The following CACNG8 variants were observed in gnomAD, a reference collection of about 807,000 sequenced individuals.
The protein encoded by CACNG8 is voltage-dependent calcium channel gamma-8 subunit.
Under a neutral mutation model 26.9 loss-of-function variants are expected in CACNG8, and 5 were observed. That is an observed-to-expected ratio of 0.19 (90% CI 0.10 to 0.39). CACNG8 has a LOEUF of 0.39. Ranked by LOEUF, CACNG8 falls within the 10% of genes least tolerant of loss-of-function variation. CACNG8 has a pLI of 1.00. For synonymous variants in CACNG8, 321 were observed against 296.7 expected (o/e 1.08, Z -0.84); for missense variants, 473 against 609.4 (o/e 0.78, Z 2.36).
intron 3 of CACNG8, 87 bp from the exon 4 acceptor site, chr19:53,981,993 C>G (rs970423339): frequency 3.7e-6 from 5 of 1,336,614 alleles, no homozygotes; most frequent in African/African-American, 2.1e-5. Context: ...CCTGGGCCCG[C>G]TGGCGCAGGC....
At position 53,963,370 on chromosome 19, in the gene CACNG8, G is replaced by T. The variant is rs1176038135; in HGVS notation, c.228G>T (p.Lys76Asn). The change falls in exon 1 of 4, where the codon AAG (lysine) becomes AAT (asparagine). Residue 76 changes from lysine (K) to asparagine (N), a missense_variant. Transcript: ENST00000270458. ...GCGGGGGCGGCGGCGCCTCGGAGAA[G>T]AAGGACCCCGGCGGCCTCACGCACT... 6.3e-7 allele frequency: 1 copy of T among 1,587,924 alleles called. No individual in the cohort carries two copies. Among genetic ancestry groups the T allele is most frequent in the South Asian group, 1.1e-5 (1 of 89,842 alleles).
At position 53,982,460 on chromosome 19, in the gene CACNG8, C is replaced by T. The variant is rs544249798; in HGVS notation, c.889C>T (p.Pro297Ser). ...CGCGTCTCCCGGCGGCCCCGGGGGCCCGGGCTTTGCCTCCACGGACATCTC... is the reference window on the plus strand; with the variant it reads ...CGCGTCTCCCGGCGGCCCCGGGGGCTCGGGCTTTGCCTCCACGGACATCTC... The change falls in exon 4 of 4, where the codon CCG (proline) becomes TCG (serine). Residue 297 changes from proline to serine, a missense_variant. Physicochemically the swap from Pro to Ser is moderately conservative, Grantham distance 74 (BLOSUM62 -1). Transcript: ENST00000270458. This position sits in a 1 kb window ranked among gnomAD's most constrained non-coding sequence, Gnocchi z 8.4. The T allele has an allele frequency of 4.0e-6, 6 of 1,515,476 alleles. 1 individual carries two copies. The South Asian group carries it at 7.3e-5, about 19-fold the overall frequency. The allele number at this position is 1,515,476 out of a possible 1,614,324, so 93.9% of individuals were successfully genotyped here. A position where few individuals can be genotyped will look rare whatever the true frequency, so the allele number is the denominator to read the frequency against.
intron 1 of CACNG8, 76 bp from the exon 2 acceptor site, chr19:53,978,070 G>T: frequency 1.0e-6 from 1 of 982,942 alleles, no homozygotes; most frequent in East Asian, 2.5e-5. Context: ...GAAGGGAAGG[G>T]TCGGTTGTCA....
chr19:53,980,072 G>GTA, intron 3 of CACNG8, 65 bp downstream of exon 3: 2 of 1,435,788 alleles, frequency 1.4e-6, no homozygotes, highest in Non-Finnish European at 1.9e-6. Context: ...GTGTGTGTGT[G>GTA]TGTGTGTGTG....
intron 1 of CACNG8, among the ~76,000 whole-genome samples, chr19:53,975,696 A>C (rs1327285432): frequency 1.3e-5 from 2 of 152,176 alleles, no homozygotes; most frequent in Admixed American, 1.3e-4. Context: ...CCATTCTCTC[A>C]TTAAAAATAC....
chr19:53,982,064 G>C lies in CACNG8; in HGVS notation c.509-16G>C. The C allele has an allele frequency of 6.5e-7, 1 of 1,539,716 alleles. No individual in the cohort carries two copies. The highest frequency in any genetic ancestry group is 8.7e-7 in the Non-Finnish European group (1 of 1,144,730). ...GGGGGTGGCCTCGAGGCTCCCGTCT[G>C]ACCGTCCCCGCCCAGGCCTGAGCAA... On this transcript the variant is annotated splice_polypyrimidine_tract_variant and intron_variant, in intron 3 of 3. Transcript: ENST00000270458. The surrounding 1 kb of genome is among the most constrained non-coding windows in gnomAD (Gnocchi z 8.4).
Position 53,965,686 on chromosome 19 carries a change from T to A in CACNG8, c.283+2261T>A, listed in dbSNP as rs186246168. The stretch of plus-strand genomic sequence containing the variant: ...AGACAAAACCTCCTGTCGTTATATA[T>A]CTTATATTCTAAGGGAGAGACAGAT... On this transcript the variant is annotated intron_variant, in intron 1 of 3. Transcript: ENST00000270458. 3.6e-3 allele frequency among the ~76,000 whole-genome samples: 550 copies of A among 152,096 alleles called. 5 individuals carry two copies. The highest frequency in any genetic ancestry group is 0.01 in the Middle Eastern group (3 of 294).
In CACNG8 at chr19:53,983,082, T is replaced by G. The variant is rs552128309; in HGVS notation, c.*233T>G. On this transcript the variant is annotated 3_prime_UTR_variant, in exon 4 of 4. Transcript: ENST00000270458. ...GAGGGAGCGTCGTGTTTTATTTTTT[T>G]GGGGGATCTATGGGGAGGGGGGAGG... 30 of 113,478 alleles carry G rather than the reference T, an allele frequency of 2.6e-4. No individual in the cohort carries two copies. The highest frequency in any genetic ancestry group is 5.5e-4 in the East Asian group (2 of 3,630). The allele number at this position is 113,478 out of a possible 1,614,324, so 7.0% of individuals were successfully genotyped here.
intron 3 of CACNG8, among the ~76,000 whole-genome samples, chr19:53,981,851 T>C (rs1393858158): frequency 6.6e-6 from 1 of 152,108 alleles, no homozygotes; most frequent in Non-Finnish European, 1.5e-5. Flanking sequence ...GGGTTGGAGC[T>C]TAGACCAGCA....
Position 53,982,761 on chromosome 19 carries a change from C to T in CACNG8, c.1190C>T (p.Ala397Val), listed in dbSNP as rs1235418455. The T allele has an allele frequency of 8.0e-7, 1 of 1,247,128 alleles. No homozygotes were observed. Among genetic ancestry groups the T allele is most frequent in the Non-Finnish European group, 1.0e-6 (1 of 996,904 alleles). The allele number at this position is 1,247,128 out of a possible 1,614,324, so 77.3% of individuals were successfully genotyped here. The change falls in exon 4 of 4, where the codon GCG (alanine) becomes GTG (valine). Residue 397 changes from alanine to valine, a missense_variant. Physicochemically the swap from Ala to Val is moderately conservative, Grantham distance 64. Transcript: ENST00000270458. The surrounding 1 kb of genome is among the most constrained non-coding windows in gnomAD (Gnocchi z 8.4). ...GCCCCGCCCGCGCCCGCGCCACCCGCGCCCTCTGCGCCCGCCCCCGGGACC... is the reference window on the plus strand; with the variant it reads ...GCCCCGCCCGCGCCCGCGCCACCCGTGCCCTCTGCGCCCGCCCCCGGGACC...
Position 53,979,788 on chromosome 19 carries a change from G to A in CACNG8, c.368-79G>A, listed in dbSNP as rs57002122. 4,217 of 1,452,698 alleles carry A rather than the reference G, an allele frequency of 2.9e-3. 107 individuals carry two copies. In the African/African-American group the frequency reaches 0.053, roughly 18 times the overall value. The allele number at this position is 1,452,698 out of a possible 1,614,324, so 90.0% of individuals were successfully genotyped here. A position where few individuals can be genotyped will look rare whatever the true frequency, so the allele number is the denominator to read the frequency against. ...ACTGTCGGGAGGCGCCGCGAGATGGGGGGCCGGGAAGGGGGCGCAGGCGGC... is the reference window on the plus strand; with the variant it reads ...ACTGTCGGGAGGCGCCGCGAGATGGAGGGCCGGGAAGGGGGCGCAGGCGGC... On this transcript the variant is annotated intron_variant, in intron 2 of 3. Coordinates refer to ENST00000270458, the MANE Select transcript of CACNG8 (RefSeq NM_031895.6).
At chr19:53,979,399 G>A (rs1568801321) in intron 2 of CACNG8, among the ~76,000 whole-genome samples, 1 of 151,888 alleles carries the variant, frequency 6.6e-6, no homozygotes, top group Non-Finnish European at 1.5e-5. Context: ...GGAATGTAGA[G>A]AGAGAGAGAA....
chr19:53,963,588 C>G (rs990990142), intron 1 of CACNG8, among the ~76,000 whole-genome samples, 163 bp downstream of exon 1: 1 of 152,052 alleles, frequency 6.6e-6, no homozygotes, highest in Non-Finnish European at 1.5e-5. Context: ...GACCTCCTCT[C>G]CCCTCCTTCC....
At chr19:53,974,388 G>A (rs1419071595) in intron 1 of CACNG8, among the ~76,000 whole-genome samples, 2 of 152,108 alleles carry the variant, frequency 1.3e-5, no homozygotes, top group African/African-American at 2.4e-5. Context: ...TCCGCTTTTT[G>A]GCTATTGTGA....
Position 53,963,025 on chromosome 19 carries a change from C to T in CACNG8, c.-118C>T, listed in dbSNP as rs2069251519. Reference sequence around the variant, plus strand: ...TCCTCGCCGCCCCCCTCCCCAGCCCCGCCGGCCCCGGGCCCCCCGCTTCTG... The same window carrying T: ...TCCTCGCCGCCCCCCTCCCCAGCCCTGCCGGCCCCGGGCCCCCCGCTTCTG... On this transcript the variant is annotated 5_prime_UTR_variant, in exon 1 of 4. Coordinates refer to ENST00000270458, the MANE Select transcript of CACNG8 (RefSeq NM_031895.6). The T allele has an allele frequency of 2.6e-6, 1 of 389,144 alleles. No individual in the cohort carries two copies. The highest frequency in any genetic ancestry group is 4.2e-6 in the Non-Finnish European group (1 of 238,318). The allele number at this position is 389,144 out of a possible 1,614,324, so 24.1% of individuals were successfully genotyped here.
At chr19:53,970,198 C>T (rs890856110) in intron 1 of CACNG8, among the ~76,000 whole-genome samples, 4 of 152,206 alleles carry the variant, frequency 2.6e-5, no homozygotes, top group Admixed American at 2.0e-4. Flanking sequence ...CGCCTGTGGT[C>T]CCAGCTACTT....
At position 53,982,445 on chromosome 19, in the gene CACNG8, G is replaced by A. The variant is rs770727575; in HGVS notation, c.874G>A (p.Gly292Ser). ...GTCGCCGTCGCGGGACGCGTCTCCC[G>A]GCGGCCCCGGGGGCCCGGGCTTTGC... The change falls in exon 4 of 4, where the codon GGC becomes AGC. Residue 292 changes from glycine (G) to serine (S), a missense_variant. Gly to Ser is a moderately conservative substitution (Grantham distance 56). Around this residue, in one of 6 missense-constraint regions of CACNG8, gnomAD observed 212 missense variants for 214.4 expected, o/e 0.99. Coordinates refer to ENST00000270458, the MANE Select transcript of CACNG8 (RefSeq NM_031895.6). This position sits in a 1 kb window ranked among gnomAD's most constrained non-coding sequence, Gnocchi z 8.4. 1 of 1,517,724 alleles carries A rather than the reference G, an allele frequency of 6.6e-7. No homozygotes were observed. Among genetic ancestry groups the A allele is most frequent in the South Asian group, 1.2e-5 (1 of 81,976 alleles). The allele number at this position is 1,517,724 out of a possible 1,614,324, so 94.0% of individuals were successfully genotyped here.
At position 53,979,860 on chromosome 19, in the gene CACNG8, C is replaced by A; in HGVS notation, c.368-7C>A. 1 of 1,591,766 alleles carries A rather than the reference C, an allele frequency of 6.3e-7. No individual in the cohort carries two copies. On this transcript the variant is annotated splice_region_variant and splice_polypyrimidine_tract_variant and intron_variant, in intron 2 of 3. Coordinates refer to ENST00000270458, the MANE Select transcript of CACNG8 (RefSeq NM_031895.6). ...TCCCTCCTTTTCCTTTCCTTCCTCC[C>A]CCGCAGGAGTTGTCCGGGCCTCCAG...
Position 53,966,080 on chromosome 19 carries a change from A to T in CACNG8, c.283+2655A>T, listed in dbSNP as rs868510967. 4.5e-4 allele frequency among the ~76,000 whole-genome samples: 59 copies of T among 131,142 alleles called. No individual in the cohort carries two copies. The South Asian group carries it at 7.0e-3, about 16-fold the overall frequency. The allele number at this position is 131,142 out of a possible 152,430, so 86.0% of individuals were successfully genotyped here. The stretch of plus-strand genomic sequence containing the variant: ...ATCCCACAGGTTCTGTTTTTTAAAA[A>T]TTATTTATTTATTTATTTATTTATT... On this transcript the variant is annotated intron_variant, in intron 1 of 3. Coordinates refer to ENST00000270458, the MANE Select transcript of CACNG8 (RefSeq NM_031895.6).
Sources: gnomAD v4.1 joint callset for allele counts (sites outside exome capture counted in the v4.1 genomes callset) on GRCh38, gnomAD v4.1.1 for gene constraint, gnomAD v4.1.1 regional missense constraint, Gnocchi (gnomAD v3.1) non-coding constraint, MANE v1.5 for transcripts, NCBI Gene and HGNC (gene_info 2026-07-23, HGNC 2026-07-21) for gene names.